RAP2A: variants seen among roughly 807,000 people sequenced by gnomAD.
RAP2A encodes ras-related protein Rap-2a.
RAP2A carries 5 observed loss-of-function variants against 15.1 expected under a neutral mutation model. The observed-to-expected ratio is 0.33, with a 90% CI of 0.17 to 0.70. The LOEUF is 0.70. RAP2A is among the 30% of genes least tolerant of loss of function. The pLI, the probability that RAP2A is intolerant of heterozygous loss-of-function variation, is 0.68. For missense variants in RAP2A, 111 were observed against 240.3 expected (o/e 0.46, Z 3.56); for synonymous variants, 110 against 99.7 (o/e 1.10, Z -0.62).
At chr13:97,441,695 T>C (rs2066658249) in intron 1 of RAP2A, 4 of 420,986 alleles carry the variant, frequency 9.5e-6, no homozygotes, top group African/African-American at 2.1e-5. Context: ...GCTTCTGTTT[T>C]GATTTTTCCC....
chr13:97,445,452 G>C (rs2066675638), intron 1 of RAP2A, among the ~76,000 whole-genome samples: 2 of 152,106 alleles, frequency 1.3e-5, no homozygotes, highest in South Asian at 4.1e-4. Flanking sequence ...ATTATTTTTA[G>C]TTTATTTTTT....
chr13:97,458,234 T>G (rs1206770147), intron 1 of RAP2A, among the ~76,000 whole-genome samples: 10 of 152,320 alleles, frequency 6.6e-5, no homozygotes, highest in East Asian at 5.8e-4. Flanking sequence ...GAAAAGCCTT[T>G]CTGATTCTCA....
At position 97,464,494 on chromosome 13, in the gene RAP2A, G is replaced by C; in HGVS notation, c.*52G>C. ...GATTTGCCCAATGTCGTAGGTGATA[G>C]AAAACTCGCCTACTCCACTGCAGAA... On this transcript the variant is annotated 3_prime_UTR_variant, in exon 2 of 2. Transcript: ENST00000245304. 1 of 1,537,566 alleles carries C rather than the reference G, an allele frequency of 6.5e-7. No homozygotes were observed. Among genetic ancestry groups the C allele is most frequent in the Non-Finnish European group, 9.0e-7 (1 of 1,112,816 alleles).
In RAP2A at chr13:97,466,557, A is replaced by G. The variant is rs927851144; in HGVS notation, c.*2115A>G. On this transcript the variant is annotated 3_prime_UTR_variant, in exon 2 of 2. Coordinates refer to ENST00000245304, the MANE Select transcript of RAP2A (RefSeq NM_021033.7). ...CAGAATGATTCTTTAGAATTCTATA[A>G]TTCATAGCAATTTTTGACAAGTAAG... 1 of 152,234 alleles carries G rather than the reference A, an allele frequency of 6.6e-6. No homozygotes were observed. Among genetic ancestry groups the G allele is most frequent in the Admixed American group, 6.5e-5 (1 of 15,280 alleles). 9.4% of individuals were successfully genotyped at this position (152,234 alleles called of 1,614,324 possible).
intron 1 of RAP2A, among the ~76,000 whole-genome samples, chr13:97,461,692 G>A (rs1386390269): frequency 2.0e-5 from 3 of 152,142 alleles, no homozygotes; most frequent in Non-Finnish European, 2.9e-5. Flanking sequence ...GGCTGGGTGC[G>A]GTGGCTCACG....
intron 1 of RAP2A, among the ~76,000 whole-genome samples, chr13:97,463,614 C>G (rs1011550730): frequency 6.6e-6 from 1 of 152,052 alleles, no homozygotes; most frequent in Non-Finnish European, 1.5e-5. Flanking sequence ...ACTATTAGAA[C>G]GAACATGATC....
At chr13:97,459,761 AT>A (rs2153180311) in intron 1 of RAP2A, among the ~76,000 whole-genome samples, 1 of 152,326 alleles carries the variant, frequency 6.6e-6, no homozygotes, top group East Asian at 1.9e-4. Flanking sequence ...CCTGATCCAC[AT>A]CTTTTTTTCC....
intron 1 of RAP2A, among the ~76,000 whole-genome samples, chr13:97,449,109 G>T (rs1445277918): frequency 6.6e-6 from 1 of 152,120 alleles, no homozygotes; most frequent in Non-Finnish European, 1.5e-5. Flanking sequence ...TGTAGGGCAG[G>T]AGGTTGTAAA....
rs934813388 is a variant in RAP2A, at chr13:97,464,688, G to A, written c.*246G>A. 2 of 509,084 alleles carry A rather than the reference G, an allele frequency of 3.9e-6. No homozygotes were observed. The highest frequency in any genetic ancestry group is 7.0e-6 in the Non-Finnish European group (2 of 286,012). The allele number at this position is 509,084 out of a possible 1,614,324, so 31.5% of individuals were successfully genotyped here. A position where few individuals can be genotyped will look rare whatever the true frequency, so the allele number is the denominator to read the frequency against. On this transcript the variant is annotated 3_prime_UTR_variant, in exon 2 of 2. Coordinates refer to ENST00000245304, the MANE Select transcript of RAP2A (RefSeq NM_021033.7). ...CTGCAACTTTAAGGCATAGTCCATC[G>A]ATCTACAGGGTGATCTCATTTGAAA...
chr13:97,446,703 G>A lies in RAP2A; in HGVS notation c.314+11919G>A, dbSNP rs189534851. On this transcript the variant is annotated intron_variant, in intron 1 of 1. Transcript: ENST00000245304. ...CAGCTATGCTGCTGGAAAATTCACG[G>A]AGAGGCCCGGAGGCTAGATAGAGAG... Among the ~76,000 whole-genome samples, 17 of 152,294 alleles carry A rather than the reference G, an allele frequency of 1.1e-4. No individual in the cohort carries two copies. The East Asian group carries it at 3.3e-3, about 29-fold the overall frequency.
intron 1 of RAP2A, among the ~76,000 whole-genome samples, chr13:97,440,879 T>G (rs1594322316): frequency 6.6e-6 from 1 of 152,356 alleles, no homozygotes; most frequent in East Asian, 1.9e-4. Flanking sequence ...TAGCAAATGT[T>G]TATACAATAC....
rs1399935777 is a variant in RAP2A, at chr13:97,434,535, A to G, written c.65A>G (p.Gln22Arg). 1 of 1,613,958 alleles carries G rather than the reference A, an allele frequency of 6.2e-7. No individual in the cohort carries two copies. Residue 22 changes from glutamine to arginine, a missense_variant, in exon 1 of 2, where the codon CAG becomes CGG. Gln to Arg is a conservative substitution (Grantham distance 43). This residue lies in a region of RAP2A where 20 missense variants were observed against 28.2 expected (regional missense o/e 0.71). Coordinates refer to ENST00000245304, the MANE Select transcript of RAP2A (RefSeq NM_021033.7). ...GTAGGCAAATCCGCCCTGACCGTGC[A>G]GTTCGTGACCGGCACCTTCATCGAG... Reference protein sequence around the residue: ...GGVGKSALTVQFVTGTFIEKY... With the variant: ...GGVGKSALTVRFVTGTFIEKY...
chr13:97,434,446 C>G lies in RAP2A; in HGVS notation c.-25C>G. On this transcript the variant is annotated 5_prime_UTR_variant, in exon 1 of 2. Coordinates refer to ENST00000245304, the MANE Select transcript of RAP2A (RefSeq NM_021033.7). ...CGTAGGTCTATGTCGCGGGCGGCGG[C>G]GGCGGCGGCGGCCGCGGAGGGACGA... 1 of 1,559,174 alleles carries G rather than the reference C, an allele frequency of 6.4e-7. No individual in the cohort carries two copies. The highest frequency in any genetic ancestry group is 8.7e-7 in the Non-Finnish European group (1 of 1,152,562).
chr13:97,462,051 TA>T (rs1442224023), intron 1 of RAP2A, among the ~76,000 whole-genome samples: 103 of 145,658 alleles, frequency 7.1e-4, no homozygotes, highest in African/African-American at 2.5e-3. Flanking sequence ...TTTATATATA[TA>T]TTTATATATA....
chr13:97,441,721 T>A (rs942399230), intron 1 of RAP2A: 1 of 428,134 alleles, frequency 2.3e-6, no homozygotes, highest in Non-Finnish European at 4.6e-6. Context: ...TCTGTTTCTC[T>A]CCATCTATTC....
At position 97,447,201 on chromosome 13, in the gene RAP2A, C is replaced by T. The variant is rs530666830; in HGVS notation, c.314+12417C>T. The stretch of plus-strand genomic sequence containing the variant: ...TGTCATTTGACCACTCTCACCCATG[C>T]ATGATTAACTGTACTTTGAAGATCA... On this transcript the variant is annotated intron_variant, in intron 1 of 1. Transcript: ENST00000245304. 3.3e-5 allele frequency among the ~76,000 whole-genome samples: 5 copies of T among 152,290 alleles called. No homozygotes were observed. In the South Asian group the frequency reaches 8.3e-4, roughly 25 times the overall value.
chr13:97,437,834 A>G (rs578132990), intron 1 of RAP2A, among the ~76,000 whole-genome samples: 2 of 152,348 alleles, frequency 1.3e-5, no homozygotes, highest in South Asian at 4.1e-4. Context: ...CAAACAACGA[A>G]TGGAGCTTTT....
Position 97,467,565 on chromosome 13 carries a change from TTTTG to T in RAP2A, c.*3127_*3130del, listed in dbSNP as rs1178852980. 7.9e-5 allele frequency: 12 copies of T among 152,520 alleles called. No individual in the cohort carries two copies. The highest frequency in any genetic ancestry group is 1.9e-4 in the East Asian group (1 of 5,206). The allele number at this position is 152,520 out of a possible 1,614,324, so 9.4% of individuals were successfully genotyped here. ...GTGCTTTGTTTTGTTTGTTGCTGTT[TTTTG>T]TTTATGTGTGTGTTTTTAATTTTTT... On this transcript the variant is annotated 3_prime_UTR_variant, in exon 2 of 2. Coordinates refer to ENST00000245304, the MANE Select transcript of RAP2A (RefSeq NM_021033.7).
Position 97,466,477 on chromosome 13 carries a change from T to C in RAP2A, c.*2035T>C, listed in dbSNP as rs573468989. 2 of 152,350 alleles carry C rather than the reference T, an allele frequency of 1.3e-5. No homozygotes were observed. The highest frequency in any genetic ancestry group is 4.1e-4 in the South Asian group (2 of 4,832). 9.4% of individuals were successfully genotyped at this position (152,350 alleles called of 1,614,324 possible). On this transcript the variant is annotated 3_prime_UTR_variant, in exon 2 of 2. Coordinates refer to ENST00000245304, the MANE Select transcript of RAP2A (RefSeq NM_021033.7). ...AGATTCAAGATATATGATTTCTCTA[T>C]GGAAATAAAAATATTTGTTAGTGAA...
Sources: gnomAD v4.1 joint callset for allele counts (sites outside exome capture counted in the v4.1 genomes callset) on GRCh38, gnomAD v4.1.1 for gene constraint, gnomAD v4.1.1 regional missense constraint, MANE v1.5 for transcripts, NCBI Gene and HGNC (gene_info 2026-07-23, HGNC 2026-07-21) for gene names.